LRRFIP2: variants seen among roughly 807,000 people sequenced by gnomAD.
The protein encoded by LRRFIP2 is LRR binding FLII interacting protein 2.
LRRFIP2 carries 109 observed loss-of-function variants against 125.9 expected under a neutral mutation model. The observed-to-expected ratio is 0.87, with a 90% CI of 0.74 to 1.01. The LOEUF is 1.01. Among genes scored for constraint, LRRFIP2 ranks in the 50% least tolerant of loss-of-function variants. The pLI is 0.00. For synonymous variants in LRRFIP2, 291 were observed against 293.1 expected (o/e 0.99, Z 0.07); for missense variants, 850 against 862.3 (o/e 0.99, Z 0.18).
chr3:37,133,824 T>C (rs887891513), intron 2 of LRRFIP2, among the ~76,000 whole-genome samples: 5 of 152,150 alleles, frequency 3.3e-5, no homozygotes, highest in African/African-American at 1.2e-4. Context: ...CCAAAAGAAG[T>C]TGGCTAATTT....
rs1362120512 is a variant in LRRFIP2, at chr3:37,094,885, T to C, written c.942A>G (p.Ser314=). Residue 314 remains serine, a synonymous_variant, in exon 17 of 28, where the codon TCA becomes TCG. Coordinates refer to ENST00000336686, the MANE Select transcript of LRRFIP2 (RefSeq NM_006309.4). ...YTRPSSRNSA[S]ATTPLSGNSS... ...AGTTTCCACTTAGAGGGGTTGTTGC[T>C]GAGGCAGAATTTCGAGATGAAGGCT... 6.2e-6 allele frequency: 10 copies of C among 1,613,170 alleles called. No individual in the cohort carries two copies. The highest frequency in any genetic ancestry group is 1.3e-5 in the African/African-American group (1 of 74,914).
intron 1 of LRRFIP2, among the ~76,000 whole-genome samples, chr3:37,165,234 CAA>C (rs981696081): frequency 9.0e-6 from 1 of 111,662 alleles, no homozygotes. Context: ...GACTCTGTCT[CAA>C]AAAAAAAAAC....
intron 1 of LRRFIP2, among the ~76,000 whole-genome samples, chr3:37,165,108 G>A (rs1008816970): frequency 4.6e-5 from 7 of 151,872 alleles, no homozygotes; most frequent in East Asian, 1.9e-4. Flanking sequence ...GGTGGTGAGC[G>A]CCTATAGTTC....
rs542986007 is a variant in LRRFIP2, at chr3:37,079,761, T to C, written c.1278+3875A>G. On this transcript the variant is annotated intron_variant, in intron 19 of 27. Transcript: ENST00000336686. Reference sequence around the variant, plus strand: ...ATAGGCTATAAAAAGGAATTAAGTATTGATACATGGTATAACATGGATGAA... The same window carrying C: ...ATAGGCTATAAAAAGGAATTAAGTACTGATACATGGTATAACATGGATGAA... Among the ~76,000 whole-genome samples the C allele has an allele frequency of 3.3e-5, 5 of 152,292 alleles. No individual in the cohort carries two copies. The East Asian group carries it at 7.7e-4, about 23-fold the overall frequency.
At chr3:37,077,119 C>T (rs116252166) in intron 19 of LRRFIP2, among the ~76,000 whole-genome samples, 136 of 152,234 alleles carry the variant, frequency 8.9e-4, no homozygotes, top group Non-Finnish European at 1.7e-3. Flanking sequence ...TGGTATAATG[C>T]TTACAAAGGA....
chr3:37,121,408 A>G, intron 6 of LRRFIP2, 84 bp downstream of exon 6: 2 of 1,269,552 alleles, frequency 1.6e-6, no homozygotes, highest in South Asian at 1.2e-5. Context: ...GAAATACAGG[A>G]ACATTGTCAG....
At chr3:37,117,864 G>A (rs1433519187) in intron 6 of LRRFIP2, among the ~76,000 whole-genome samples, 2 of 152,096 alleles carry the variant, frequency 1.3e-5, no homozygotes, top group African/African-American at 4.8e-5. Context: ...GGGTGTACTG[G>A]CTCTACTCCA....
chr3:37,159,989 CAAAAAAAAAAAA>C (rs58005486), intron 1 of LRRFIP2, among the ~76,000 whole-genome samples: 5 of 46,940 alleles, frequency 1.1e-4, no homozygotes, highest in East Asian at 3.0e-3. Context: ...GCCCTATGCG[CAAAAAAAAAAAA>C]AAAAAAAAAA....
At chr3:37,076,913 A>C (rs1275999679) in intron 19 of LRRFIP2, among the ~76,000 whole-genome samples, 1 of 152,134 alleles carries the variant, frequency 6.6e-6, no homozygotes, top group African/African-American at 2.4e-5. Context: ...CACTAACTGC[A>C]TAGAATAATA....
At chr3:37,104,231 C>A (rs773109557) in intron 14 of LRRFIP2, among the ~76,000 whole-genome samples, 3 of 152,034 alleles carry the variant, frequency 2.0e-5, no homozygotes, top group Non-Finnish European at 2.9e-5. Context: ...ATATATTAAA[C>A]CTACCTACAA....
At chr3:37,095,549 A>G (rs1452700413) in intron 16 of LRRFIP2, among the ~76,000 whole-genome samples, 1 of 152,212 alleles carries the variant, frequency 6.6e-6, no homozygotes, top group Non-Finnish European at 1.5e-5. Context: ...CCAAATTGAG[A>G]GTTGCATATA....
intron 2 of LRRFIP2, chr3:37,143,720 T>A: frequency 6.0e-6 from 1 of 166,448 alleles, no homozygotes. Context: ...ATTTCCCCTA[T>A]CTCTGATGTT....
At chr3:37,068,719 C>T (rs1404996200) in intron 21 of LRRFIP2, 1 of 152,122 alleles carries the variant, frequency 6.6e-6, no homozygotes, top group Non-Finnish European at 1.5e-5. Flanking sequence ...AATCCTACCA[C>T]CCGGAAGCCA....
intron 21 of LRRFIP2, among the ~76,000 whole-genome samples, chr3:37,071,779 A>G (rs192302642): frequency 9.8e-5 from 15 of 152,328 alleles, no homozygotes; most frequent in Admixed American, 2.0e-4. Flanking sequence ...TGACAAGGTA[A>G]GCCTCTGGCA....
At chr3:37,080,038 G>A (rs1184008267) in intron 19 of LRRFIP2, among the ~76,000 whole-genome samples, 2 of 152,178 alleles carry the variant, frequency 1.3e-5, no homozygotes, top group African/African-American at 4.8e-5. Flanking sequence ...AAAAACCACT[G>A]AATTGTACAC....
At chr3:37,126,322 G>GC (rs1450971131) in intron 4 of LRRFIP2, among the ~76,000 whole-genome samples, 5 of 152,132 alleles carry the variant, frequency 3.3e-5, no homozygotes, top group Non-Finnish European at 7.4e-5. Context: ...GGGCCACTAT[G>GC]CCCAGACCCA....
chr3:37,094,786 G>C lies in LRRFIP2; in HGVS notation c.1035+6C>G. 2 of 1,603,268 alleles carry C rather than the reference G, an allele frequency of 1.2e-6. No homozygotes were observed. The highest frequency in any genetic ancestry group is 2.2e-5 in the East Asian group (1 of 44,802). ...TTTAAAAAGAAAACCAAAAACTTCA[G>C]TTTACCCGCAATTCACTTAATGAAG... is the stretch of plus-strand genomic sequence containing the variant. On this transcript the variant is annotated splice_donor_region_variant and intron_variant, in intron 17 of 27. Transcript: ENST00000336686.
chr3:37,142,652 G>GTAA (rs2095741730), intron 2 of LRRFIP2, among the ~76,000 whole-genome samples: 1 of 152,170 alleles, frequency 6.6e-6, no homozygotes, highest in Admixed American at 6.5e-5. Context: ...CATTCACAGA[G>GTAA]GATAAGGGCA....
chr3:37,105,056 C>A (rs1202491847), intron 14 of LRRFIP2, among the ~76,000 whole-genome samples: 2 of 151,970 alleles, frequency 1.3e-5, no homozygotes, highest in African/African-American at 4.8e-5. Flanking sequence ...CTAAATACAA[C>A]AATATAGAAA....
Sources: gnomAD v4.1 joint callset for allele counts (sites outside exome capture counted in the v4.1 genomes callset) on GRCh38, gnomAD v4.1.1 for gene constraint, MANE v1.5 for transcripts, NCBI Gene and HGNC (gene_info 2026-07-23, HGNC 2026-07-21) for gene names.